Variants in TENM2 observed in about 807,000 individuals in gnomAD.
TENM2 encodes teneurin-2.
TENM2 carries 52 observed loss-of-function variants against 245.2 expected under a neutral mutation model. That is an observed-to-expected ratio of 0.21 (90% CI 0.17 to 0.27). The LOEUF (loss-of-function observed/expected upper bound fraction) is 0.27. Ranked by LOEUF, TENM2 falls within the 10% of genes least tolerant of loss-of-function variation. The pLI is 1.00. For missense variants in TENM2, 3,046 were observed against 3,666.8 expected, an observed-to-expected ratio of 0.83 and a Z score of 4.37; for synonymous variants, 1,363 against 1,438.9, an observed-to-expected ratio of 0.95 and a Z score of 1.19.
the TENM2 span, among the ~76,000 whole-genome samples, chr5:167,203,084 A>T: frequency 5.0e-4 from 76 of 152,296 alleles, no homozygotes; most frequent in African/African-American, 1.7e-3. Flanking sequence ...TGCAGAACAC[A>T]TATTCTTGCT....
At chr5:168,197,746 A>G (rs1442814225) in intron 15 of TENM2, among the ~76,000 whole-genome samples, 1 of 151,966 alleles carries the variant, frequency 6.6e-6, no homozygotes, top group Admixed American at 6.6e-5. Context: ...GAGGTAAAAT[A>G]AAGCTTAACA....
At chr5:167,971,915 A>C (rs1781825217) in intron 4 of TENM2, among the ~76,000 whole-genome samples, 1 of 152,210 alleles carries the variant, frequency 6.6e-6, no homozygotes, top group Non-Finnish European at 1.5e-5. Flanking sequence ...AGCGCCTTCC[A>C]CTATAAATGC....
the TENM2 span, among the ~76,000 whole-genome samples, chr5:167,213,054 C>A: frequency 1.3e-5 from 2 of 152,240 alleles, no homozygotes; most frequent in South Asian, 4.1e-4. Flanking sequence ...GTTAGCAGAC[C>A]AGATGAATTA....
intron 2 of TENM2, among the ~76,000 whole-genome samples, chr5:167,819,757 T>C (rs1767356019): frequency 6.6e-6 from 1 of 152,188 alleles, no homozygotes; most frequent in Non-Finnish European, 1.5e-5. Flanking sequence ...CTTGGAGAAC[T>C]GTTCATTTTG....
intron 1 of TENM2, among the ~76,000 whole-genome samples, chr5:167,359,742 G>C (rs1332982262): frequency 6.6e-6 from 1 of 152,032 alleles, no homozygotes; most frequent in Admixed American, 6.6e-5. Context: ...GTTGATTTTT[G>C]TATGTGGTGT....
intron 1 of TENM2, among the ~76,000 whole-genome samples, chr5:167,326,981 A>C (rs1245475949): frequency 6.6e-6 from 1 of 152,112 alleles, no homozygotes; most frequent in Non-Finnish European, 1.5e-5. Context: ...GCCTAAAGGA[A>C]AACCCGGCAA....
intron 3 of TENM2, among the ~76,000 whole-genome samples, chr5:167,911,399 C>T (rs896633739): frequency 1.3e-5 from 2 of 152,084 alleles, no homozygotes; most frequent in African/African-American, 2.4e-5. Context: ...TGGTGGCGGG[C>T]GCCTGTAGTC....
chr5:168,150,666 A>T (rs905676219), intron 12 of TENM2, among the ~76,000 whole-genome samples: 4 of 152,210 alleles, frequency 2.6e-5, no homozygotes, highest in African/African-American at 9.6e-5. Flanking sequence ...AGGGAAATCT[A>T]TATGGGAAAT....
intron 2 of TENM2, among the ~76,000 whole-genome samples, chr5:167,671,933 T>A (rs955255466): frequency 6.6e-6 from 1 of 152,082 alleles, no homozygotes; most frequent in African/African-American, 2.4e-5. Context: ...TTTATGGAAC[T>A]CATTCTATGT....
At chr5:167,069,934 G>T in the TENM2 span, among the ~76,000 whole-genome samples, 1 of 151,882 alleles carries the variant, frequency 6.6e-6, no homozygotes, top group Non-Finnish European at 1.5e-5. Context: ...AATTAATAAG[G>T]TATTTAATTT....
the TENM2 span, among the ~76,000 whole-genome samples, chr5:167,199,773 A>T: frequency 4.6e-3 from 699 of 152,172 alleles, 7 homozygotes; most frequent in African/African-American, 0.015. Flanking sequence ...TTAGGTCATA[A>T]TTCGAGCTCC....
chr5:167,482,226 A>G (rs147662329), intron 2 of TENM2, among the ~76,000 whole-genome samples: 3 of 152,208 alleles, frequency 2.0e-5, no homozygotes, highest in African/African-American at 7.2e-5. Flanking sequence ...TCTCTAGACT[A>G]TTTTTTTAAA....
At chr5:168,041,737 T>G (rs1046403201) in intron 5 of TENM2, among the ~76,000 whole-genome samples, 2 of 152,226 alleles carry the variant, frequency 1.3e-5, no homozygotes, top group African/African-American at 2.4e-5. Context: ...TCCTGGTGCC[T>G]AGGACACATC....
chr5:167,509,909 T>C (rs1769816439), intron 2 of TENM2, among the ~76,000 whole-genome samples: 1 of 152,222 alleles, frequency 6.6e-6, no homozygotes, highest in South Asian at 2.1e-4. Context: ...ATGGTGGGGA[T>C]AAATTCAATG....
At chr5:167,298,374 G>A (rs148069534) in intron 1 of TENM2, among the ~76,000 whole-genome samples, 1 of 152,108 alleles carries the variant, frequency 6.6e-6, no homozygotes. Flanking sequence ...GAGGCCGAGG[G>A]GGGCGGATCA....
At chr5:167,420,155 A>C (rs1376455267) in intron 2 of TENM2, among the ~76,000 whole-genome samples, 1 of 152,226 alleles carries the variant, frequency 6.6e-6, no homozygotes, top group Non-Finnish European at 1.5e-5. Context: ...AGTAGTTTGC[A>C]ACTTGGAAAG....
intron 2 of TENM2, among the ~76,000 whole-genome samples, chr5:167,391,622 C>CAAAAA (rs56202184): frequency 1.5e-4 from 8 of 53,496 alleles, no homozygotes; most frequent in Admixed American, 6.6e-4. Flanking sequence ...AAGACTTCAT[C>CAAAAA]AAAAAAAAAA....
At chr5:168,094,202 G>A (rs1205878347) in intron 8 of TENM2, among the ~76,000 whole-genome samples, 2 of 152,146 alleles carry the variant, frequency 1.3e-5, no homozygotes, top group South Asian at 2.1e-4. Context: ...ATTGAGGAAA[G>A]TGAGGAAAAC....
the TENM2 span, among the ~76,000 whole-genome samples, chr5:167,223,706 A>G: frequency 6.6e-6 from 1 of 152,170 alleles, no homozygotes. Flanking sequence ...ATAAATATCC[A>G]GTAGTGGCAT....
Sources: gnomAD v4.1 joint callset for allele counts (sites outside exome capture counted in the v4.1 genomes callset) on GRCh38, gnomAD v4.1.1 for gene constraint, MANE v1.5 for transcripts, NCBI Gene and HGNC (gene_info 2026-07-23, HGNC 2026-07-21) for gene names.